DPP6: variants seen among roughly 807,000 people sequenced by gnomAD.
DPP6 encodes A-type potassium channel modulatory protein DPP6.
Under a neutral mutation model 122.6 loss-of-function variants are expected in DPP6, and 69 were observed. That is an observed-to-expected ratio of 0.56 (90% CI 0.46 to 0.69). The LOEUF (loss-of-function observed/expected upper bound fraction) is 0.69. DPP6 is among the 30% of genes least tolerant of loss of function. The pLI is 0.00. For missense variants in DPP6, 928 were observed against 1,116.9 expected (o/e 0.83, Z 2.41); for synonymous variants, 418 against 433.1 (o/e 0.97, Z 0.43).
the DPP6 span, among the ~76,000 whole-genome samples, chr7:153,791,553 C>T: frequency 6.6e-6 from 1 of 151,734 alleles, no homozygotes; most frequent in Admixed American, 6.6e-5. Flanking sequence ...TCCCGTATAG[C>T]TAGGATTACA....
rs185036675 is a variant in DPP6 at position 154,077,220 on chromosome 7, C to A, written c.243+24157C>A. ...TAGTGATTGTAACTCTGTACTAAAG[C>A]CAATTAACTTTGTAGTTGGATGGGT... is the stretch of plus-strand genomic sequence containing the variant. On this transcript the variant is annotated intron_variant, in intron 1 of 25. Transcript: ENST00000377770. Among the ~76,000 whole-genome samples, 1,414 of 152,180 alleles carry A rather than the reference C, an allele frequency of 9.3e-3. 11 individuals are homozygous for A. Among genetic ancestry groups the A allele is most frequent in the Admixed American group, 0.027 (418 of 15,298 alleles).
At chr7:154,638,133 T>C (rs1361499041) in intron 6 of DPP6, among the ~76,000 whole-genome samples, 1 of 152,186 alleles carries the variant, frequency 6.6e-6, no homozygotes, top group Non-Finnish European at 1.5e-5. Flanking sequence ...TGCTGGTTCC[T>C]GCAGTTGACC....
chr7:154,706,086 A>G (rs749724067), intron 7 of DPP6, among the ~76,000 whole-genome samples: 1 of 152,184 alleles, frequency 6.6e-6, no homozygotes, highest in Non-Finnish European at 1.5e-5. Context: ...TGGAACCATG[A>G]TGACAACCAG....
At chr7:154,829,956 A>T (rs1357492867) in intron 16 of DPP6, among the ~76,000 whole-genome samples, 4 of 151,994 alleles carry the variant, frequency 2.6e-5, no homozygotes, top group Non-Finnish European at 5.9e-5. Context: ...AAGTCTCGAG[A>T]CTGCCTGTGC....
intron 1 of DPP6, among the ~76,000 whole-genome samples, chr7:154,140,557 G>A (rs1795794648): frequency 6.6e-6 from 1 of 152,184 alleles, no homozygotes; most frequent in South Asian, 2.1e-4. Flanking sequence ...CTGGACTCAA[G>A]TGATCCTCCC....
chr7:154,836,166 C>CCCGCCGCCTG (rs1801036847), intron 16 of DPP6, among the ~76,000 whole-genome samples: 1 of 152,228 alleles, frequency 6.6e-6, no homozygotes, highest in Admixed American at 6.5e-5. Flanking sequence ...TGCCTGCCTG[C>CCCGCCGCCTG]CCGCCGCCTG....
chr7:153,852,588 C>A, the DPP6 span, among the ~76,000 whole-genome samples: 1 of 152,032 alleles, frequency 6.6e-6, no homozygotes, highest in East Asian at 1.9e-4. Flanking sequence ...CTGGGGATCA[C>A]AATTCAACAG....
chr7:154,839,012 T>C (rs890349432), intron 16 of DPP6: 4 of 152,166 alleles, frequency 2.6e-5, no homozygotes, highest in Admixed American at 2.0e-4. Context: ...CATCTCACCA[T>C]ATGCCCATTC....
chr7:154,114,775 A>G (rs1460485179), intron 1 of DPP6, among the ~76,000 whole-genome samples: 2 of 152,210 alleles, frequency 1.3e-5, no homozygotes, highest in Non-Finnish European at 2.9e-5. Flanking sequence ...TCCAACCTGC[A>G]CCCAGGAGGC....
At chr7:154,639,658 A>G (rs1249110394) in intron 6 of DPP6, among the ~76,000 whole-genome samples, 5 of 152,226 alleles carry the variant, frequency 3.3e-5, no homozygotes, top group African/African-American at 7.2e-5. Flanking sequence ...AGCTCAGGCC[A>G]TGATAGTCTG....
At chr7:154,599,942 A>C (rs1313544021) in intron 5 of DPP6, among the ~76,000 whole-genome samples, 1 of 151,770 alleles carries the variant, frequency 6.6e-6, no homozygotes, top group African/African-American at 2.4e-5. Context: ...GTTTTGGCAA[A>C]CTTTCCTCTC....
chr7:154,330,271 G>GATCACCACAGATGGC (rs1808806301), intron 1 of DPP6, among the ~76,000 whole-genome samples: 1 of 152,228 alleles, frequency 6.6e-6, no homozygotes, highest in African/African-American at 2.4e-5. Flanking sequence ...TTGAAATTGA[G>GATCACCACAGATGGC]ATCACCACAG....
intron 1 of DPP6, among the ~76,000 whole-genome samples, chr7:154,138,836 A>G (rs1289291099): frequency 1.3e-5 from 2 of 152,104 alleles, no homozygotes; most frequent in South Asian, 4.1e-4. Flanking sequence ...AAGAACATTC[A>G]GGCCATCAGA....
intron 1 of DPP6, among the ~76,000 whole-genome samples, chr7:154,380,255 A>G (rs746974402): frequency 6.6e-6 from 1 of 152,236 alleles, no homozygotes; most frequent in Non-Finnish European, 1.5e-5. Flanking sequence ...GTGTTAGAAT[A>G]AAAGAAGGTC....
rs182074218 is a variant in DPP6 at position 154,031,429 on chromosome 7, C to T, written c.51+143695C>T. 1.2e-3 allele frequency among the ~76,000 whole-genome samples: 175 copies of T among 151,778 alleles called. 1 individual carries two copies. Among genetic ancestry groups the T allele is most frequent in the African/African-American group, 4.0e-3 (163 of 41,132 alleles). ...TTTTTATTAAAGTCTCACTAAAAAA[C>T]TGCTGCCCTTCAGCATGTCTGTAGG... On this transcript the variant is annotated intron_variant, in intron 1 of 25. Coordinates refer to the DPP6 transcript ENST00000404039.
intron 18 of DPP6, among the ~76,000 whole-genome samples, chr7:154,869,180 G>A (rs1022177485): frequency 3.3e-5 from 5 of 152,168 alleles, no homozygotes; most frequent in African/African-American, 9.7e-5. Flanking sequence ...GACCGTCTCT[G>A]GAACCTCTTT....
chr7:154,805,696 G>T lies in DPP6; in HGVS notation c.1547+732G>T, dbSNP rs9768536. Among the ~76,000 whole-genome samples the T allele has an allele frequency of 7.9e-3, 1,205 of 152,228 alleles. 16 individuals are homozygous for T. The highest frequency in any genetic ancestry group is 0.027 in the African/African-American group (1,138 of 41,536). On this transcript the variant is annotated intron_variant, in intron 15 of 25. Transcript: ENST00000377770. ...GAGGGGGACTGGTTTTTTTTCTAGG[G>T]CGTGTCCCTCTTCTACATTTAGTCC...
chr7:154,121,491 A>G (rs1807463258), intron 1 of DPP6, among the ~76,000 whole-genome samples: 1 of 152,204 alleles, frequency 6.6e-6, no homozygotes, highest in South Asian at 2.1e-4. Flanking sequence ...TATTCAGCTC[A>G]AAGTATTTTT....
intron 4 of DPP6, among the ~76,000 whole-genome samples, chr7:154,541,244 C>G (rs558342072): frequency 6.6e-6 from 1 of 152,234 alleles, no homozygotes; most frequent in Admixed American, 6.5e-5. Context: ...AATCCTCCCA[C>G]CTCAGCCTCC....
Sources: allele counts gnomAD v4.1 joint callset (sites outside exome capture counted in the v4.1 genomes callset), GRCh38; gene constraint gnomAD v4.1.1; transcripts MANE v1.5; gene names NCBI Gene and HGNC (gene_info 2026-07-23, HGNC 2026-07-21).